The following KCNQ5 variants were observed in gnomAD, a reference collection of about 807,000 sequenced individuals.
KCNQ5 encodes the protein potassium voltage-gated channel subfamily KQT member 5.
KCNQ5 carries 30 observed loss-of-function variants against 98.2 expected under a neutral mutation model. The observed-to-expected ratio is 0.31, with a 90% CI of 0.23 to 0.41. The LOEUF (loss-of-function observed/expected upper bound fraction) is 0.41. Among genes scored for constraint, KCNQ5 ranks in the 10% least tolerant of loss-of-function variants. The pLI is 1.00. For synonymous variants in KCNQ5, 458 were observed against 449.4 expected (o/e 1.02, Z -0.24); for missense variants, 835 against 1,182.5 (o/e 0.71, Z 4.31).
At chr6:73,079,208 G>T (rs1773661989) in intron 5 of KCNQ5, among the ~76,000 whole-genome samples, 1 of 152,094 alleles carries the variant, frequency 6.6e-6, no homozygotes, top group Admixed American at 6.5e-5. Flanking sequence ...AGGCTGAGGT[G>T]GCAGAATCAC....
chr6:73,165,592 A>C (rs1265875518), intron 10 of KCNQ5, among the ~76,000 whole-genome samples: 1 of 152,208 alleles, frequency 6.6e-6, no homozygotes, highest in East Asian at 1.9e-4. Context: ...TGCCAAGTGC[A>C]CCAGCCCTGT....
intron 1 of KCNQ5, among the ~76,000 whole-genome samples, chr6:72,758,138 G>A (rs1295147876): frequency 2.0e-5 from 3 of 151,792 alleles, no homozygotes; most frequent in South Asian, 2.1e-4. Flanking sequence ...GGAGGAGGAC[G>A]GCATTGCAAG....
At position 72,622,412 on chromosome 6, in the gene KCNQ5, C is replaced by T; in HGVS notation, c.223C>T (p.Leu75=). Residue 75 remains leucine, a synonymous_variant, in exon 1 of 14, where the codon CTG becomes TTG. Transcript: ENST00000370398. The surrounding 1 kb of genome is among the most constrained non-coding windows in gnomAD (Gnocchi z 6.0). ...AATLGGGGGG[L]RESRRGKQGA... is the part of the protein sequence containing the mutation. ...CACGCTCGGTGGCGGCGGCGGTGGC[C>T]TGAGGGAGAGCCGCCGGGGCAAGCA... 6.6e-7 allele frequency: 1 copy of T among 1,524,884 alleles called. No individual in the cohort carries two copies. The highest frequency in any genetic ancestry group is 8.8e-7 in the Non-Finnish European group (1 of 1,135,800). 94.5% of individuals were successfully genotyped at this position (1,524,884 alleles called of 1,614,324 possible). A position where few individuals can be genotyped will look rare whatever the true frequency, so the allele number is the denominator to read the frequency against.
intron 5 of KCNQ5, among the ~76,000 whole-genome samples, chr6:73,099,424 C>G (rs1339610267): frequency 2.0e-5 from 3 of 152,006 alleles, no homozygotes; most frequent in Non-Finnish European, 2.9e-5. Flanking sequence ...GATCTGTTGA[C>G]TACAAGAAAC....
At position 72,767,081 on chromosome 6, in the gene KCNQ5, C is replaced by T. The variant is rs76958419; in HGVS notation, c.398+144494C>T. On this transcript the variant is annotated intron_variant, in intron 1 of 13. Transcript: ENST00000370398. ...CATAGCTAAATTTGTTTTCAACAAC[C>T]GAGTGGATAGGTATAATTCACTGAG... Among the ~76,000 whole-genome samples the T allele has an allele frequency of 7.5e-4, 114 of 151,988 alleles. 2 individuals are homozygous for T. Among genetic ancestry groups the T allele is most frequent in the African/African-American group, 2.7e-3 (113 of 41,488 alleles).
chr6:72,935,680 C>T (rs921270939), intron 1 of KCNQ5, among the ~76,000 whole-genome samples: 2 of 152,194 alleles, frequency 1.3e-5, no homozygotes, highest in Non-Finnish European at 2.9e-5. Flanking sequence ...CTCTGTTCCT[C>T]TTTATAGCAA....
intron 1 of KCNQ5, among the ~76,000 whole-genome samples, chr6:72,942,024 G>A (rs976851851): frequency 7.2e-5 from 11 of 152,120 alleles, no homozygotes; most frequent in Admixed American, 1.3e-4. Context: ...CATAAGTGGG[G>A]AAGGGCATTT....
intron 1 of KCNQ5, among the ~76,000 whole-genome samples, chr6:72,626,149 G>A (rs185005151): frequency 7.9e-5 from 12 of 152,350 alleles, no homozygotes; most frequent in African/African-American, 2.6e-4. Context: ...ACTACTACAA[G>A]CCTGTGAACA....
chr6:72,826,259 C>T lies in KCNQ5; in HGVS notation c.399-177649C>T, dbSNP rs188913666. On this transcript the variant is annotated intron_variant, in intron 1 of 13. Coordinates refer to ENST00000370398, the MANE Select transcript of KCNQ5 (RefSeq NM_019842.4). ...CAGTTACCCTTCCTGCAAGATTAGTCATTAGATCCCATGATAGGCCTTGTT... is the reference window on the plus strand; with the variant it reads ...CAGTTACCCTTCCTGCAAGATTAGTTATTAGATCCCATGATAGGCCTTGTT... 1.0e-3 allele frequency among the ~76,000 whole-genome samples: 153 copies of T among 152,200 alleles called. 1 individual carries two copies. The highest frequency in any genetic ancestry group is 1.5e-3 in the Non-Finnish European group (100 of 68,000).
chr6:72,884,589 G>T (rs935684574), intron 1 of KCNQ5, among the ~76,000 whole-genome samples: 2 of 151,290 alleles, frequency 1.3e-5, no homozygotes, highest in Non-Finnish European at 2.9e-5. Flanking sequence ...TATAGCAATA[G>T]AAATCATTAT....
At chr6:73,020,074 G>A (rs191665394) in intron 2 of KCNQ5, among the ~76,000 whole-genome samples, 13 of 152,178 alleles carry the variant, frequency 8.5e-5, no homozygotes, top group Non-Finnish European at 1.6e-4. Context: ...TTCCCTACAC[G>A]CAAAGCAAGC....
chr6:72,766,810 A>T (rs544349502), intron 1 of KCNQ5, among the ~76,000 whole-genome samples: 57 of 152,042 alleles, frequency 3.7e-4, no homozygotes, highest in Middle Eastern at 3.4e-3. Context: ...TAAGTTAGAG[A>T]TGCCTATTGT....
chr6:72,841,802 C>T (rs1365858458), intron 1 of KCNQ5, among the ~76,000 whole-genome samples: 3 of 152,094 alleles, frequency 2.0e-5, no homozygotes, highest in South Asian at 2.1e-4. Context: ...GCTCATCTGT[C>T]GACTTGTACC....
intron 1 of KCNQ5, among the ~76,000 whole-genome samples, chr6:72,761,188 A>G (rs909283097): frequency 2.6e-5 from 4 of 152,152 alleles, no homozygotes; most frequent in Non-Finnish European, 4.4e-5. Flanking sequence ...TTAAGAGCTA[A>G]GAATGATGAA....
chr6:73,073,089 T>TTA (rs1013342459), intron 3 of KCNQ5, among the ~76,000 whole-genome samples: 1 of 152,194 alleles, frequency 6.6e-6, no homozygotes, highest in African/African-American at 2.4e-5. Context: ...TATTCCTGAT[T>TTA]TATTATCCAC....
chr6:72,712,400 G>A (rs1769416918), intron 1 of KCNQ5, among the ~76,000 whole-genome samples: 2 of 152,202 alleles, frequency 1.3e-5, no homozygotes, highest in South Asian at 4.1e-4. Context: ...AGCAAGCCTA[G>A]CATATGAATG....
At chr6:72,730,660 T>G (rs1029721684) in intron 1 of KCNQ5, among the ~76,000 whole-genome samples, 1 of 152,182 alleles carries the variant, frequency 6.6e-6, no homozygotes, top group African/African-American at 2.4e-5. Context: ...ATATTTTGCT[T>G]CTTAAATTTA....
chr6:73,075,933 TC>T (rs1773520900), intron 3 of KCNQ5, among the ~76,000 whole-genome samples: 1 of 152,090 alleles, frequency 6.6e-6, no homozygotes, highest in African/African-American at 2.4e-5. Flanking sequence ...TAGTCCTAGC[TC>T]CTTGGGAGGC....
At chr6:73,181,594 G>A (rs139887896) in intron 11 of KCNQ5, among the ~76,000 whole-genome samples, 1 of 152,336 alleles carries the variant, frequency 6.6e-6, no homozygotes, top group East Asian at 1.9e-4. Context: ...AGTAAAAACA[G>A]GACATTCACT....
Sources: allele counts gnomAD v4.1 joint callset (sites outside exome capture counted in the v4.1 genomes callset), GRCh38; gene constraint gnomAD v4.1.1; non-coding constraint Gnocchi (gnomAD v3.1); transcripts MANE v1.5; gene names NCBI Gene and HGNC (gene_info 2026-07-23, HGNC 2026-07-21).